The following RUNX2 variants were observed in gnomAD, a reference collection of about 807,000 sequenced individuals.
RUNX2 encodes the protein RUNX family transcription factor 2, also known as runt-related transcription factor 2.
A neutral mutation model predicts 51.7 loss-of-function variants in RUNX2; 10 were observed. The observed-to-expected ratio is 0.19, with a 90% CI of 0.12 to 0.33. The LOEUF is 0.33. Ranked by LOEUF, RUNX2 falls within the 10% of genes least tolerant of loss-of-function variation. The probability of loss-of-function intolerance (pLI) is 1.00; values close to 1 mark genes in which losing one functional copy is unlikely to be tolerated. For synonymous variants in RUNX2, 276 were observed against 273.6 expected (o/e 1.01, Z -0.09); for missense variants, 562 against 691.3 (o/e 0.81, Z 2.10).
intron 2 of RUNX2, among the ~76,000 whole-genome samples, chr6:45,386,383 C>T (rs1797349100): frequency 1.3e-5 from 2 of 152,086 alleles, no homozygotes; most frequent in African/African-American, 2.4e-5. Flanking sequence ...TGCATTTTCT[C>T]AAAGAAATTG....
At chr6:45,406,608 G>T (rs1797839244) in intron 2 of RUNX2, among the ~76,000 whole-genome samples, 2 of 152,154 alleles carry the variant, frequency 1.3e-5, no homozygotes, top group Admixed American at 6.5e-5. Flanking sequence ...GTTTTGCCAT[G>T]TTGGCCAGGT....
In RUNX2 at chr6:45,549,550, G is replaced by A; in HGVS notation, c.*2245G>A. The A allele has an allele frequency of 2.5e-6, 1 of 396,044 alleles. No individual in the cohort carries two copies. Among genetic ancestry groups the A allele is most frequent in the Non-Finnish European group, 4.4e-6 (1 of 224,864 alleles). 24.5% of individuals were successfully genotyped at this position (396,044 alleles called of 1,614,324 possible). ...TAGTAATTGATACTATTTATTGTTT[G>A]TGTGTGGTAGCTTGAAGCACACCAC... On this transcript the variant is annotated 3_prime_UTR_variant, in exon 9 of 9. Transcript: ENST00000647337.
chr6:45,494,039 T>C (rs914653247), intron 6 of RUNX2, among the ~76,000 whole-genome samples: 2 of 152,160 alleles, frequency 1.3e-5, no homozygotes, highest in Non-Finnish European at 2.9e-5. Flanking sequence ...AAAGATGAGA[T>C]CATAAAGTAG....
At chr6:45,528,349 G>A (rs531873923) in intron 7 of RUNX2, among the ~76,000 whole-genome samples, 4 of 152,102 alleles carry the variant, frequency 2.6e-5, no homozygotes, top group African/African-American at 9.7e-5. Context: ...GGTCAGGCGC[G>A]GTGGCTCAAG....
intron 2 of RUNX2, among the ~76,000 whole-genome samples, chr6:45,383,016 G>A (rs1214353589): frequency 2.6e-5 from 4 of 152,216 alleles, no homozygotes; most frequent in Non-Finnish European, 5.9e-5. Flanking sequence ...TACATTAGCT[G>A]AGATGGGGAA....
intron 5 of RUNX2, among the ~76,000 whole-genome samples, chr6:45,488,001 A>G (rs1169706526): frequency 6.6e-6 from 1 of 152,186 alleles, no homozygotes; most frequent in African/African-American, 2.4e-5. Flanking sequence ...TCTAAGGGGT[A>G]AGAAAGAGTG....
intron 6 of RUNX2, among the ~76,000 whole-genome samples, chr6:45,508,280 G>A (rs1801038844): frequency 7.1e-6 from 1 of 141,572 alleles, no homozygotes; most frequent in Admixed American, 7.4e-5. Flanking sequence ...CCGGGCTGGA[G>A]TGCAATGGCG....
intron 5 of RUNX2, among the ~76,000 whole-genome samples, chr6:45,469,975 A>G (rs936218767): frequency 2.0e-5 from 3 of 152,210 alleles, no homozygotes; most frequent in African/African-American, 7.2e-5. Flanking sequence ...TCCATATGAA[A>G]GAAATCAGAC....
chr6:45,429,844 A>G (rs1178057057), intron 3 of RUNX2, among the ~76,000 whole-genome samples: 1 of 152,198 alleles, frequency 6.6e-6, no homozygotes, highest in Non-Finnish European at 1.5e-5. Context: ...CTGTAATCCC[A>G]GCACTTTGGG....
At chr6:45,540,158 T>C (rs1376837924) in intron 7 of RUNX2, among the ~76,000 whole-genome samples, 1 of 152,170 alleles carries the variant, frequency 6.6e-6, no homozygotes, top group Non-Finnish European at 1.5e-5. Context: ...GATATGACTT[T>C]GAAATAGGGC....
At chr6:45,345,524 C>T (rs1032219628) in intron 2 of RUNX2, among the ~76,000 whole-genome samples, 1 of 152,160 alleles carries the variant, frequency 6.6e-6, no homozygotes, top group Non-Finnish European at 1.5e-5. Context: ...GCACGATCAG[C>T]TTGCTAGTCC....
Position 45,422,976 on chromosome 6 carries a change from C to T in RUNX2, c.423+19C>T. On this transcript the variant is annotated intron_variant, in intron 3 of 8. Coordinates refer to ENST00000647337, the MANE Select transcript of RUNX2 (RefSeq NM_001024630.4). ...CTTCAAGGTAAGAGGCTACACCGCCCCCCGCCCCCGGCCGGGAGCGGCGGA... is the reference window on the plus strand; with the variant it reads ...CTTCAAGGTAAGAGGCTACACCGCCTCCCGCCCCCGGCCGGGAGCGGCGGA... The T allele has an allele frequency of 1.2e-6, 2 of 1,605,932 alleles. No individual in the cohort carries two copies. Among genetic ancestry groups the T allele is most frequent in the Non-Finnish European group, 8.5e-7 (1 of 1,178,406 alleles).
chr6:45,356,144 G>A lies in RUNX2; in HGVS notation c.58+27360G>A, dbSNP rs144529996. 2.3e-3 allele frequency among the ~76,000 whole-genome samples: 347 copies of A among 152,138 alleles called. 1 individual carries two copies. The highest frequency in any genetic ancestry group is 8.0e-3 in the African/African-American group (333 of 41,506). ...CTCTATTCTGTCATAGGAAAAAAATGTTATGCCAATTAGAAAACTTTCTAA... is the reference window on the plus strand; with the variant it reads ...CTCTATTCTGTCATAGGAAAAAAATATTATGCCAATTAGAAAACTTTCTAA... On this transcript the variant is annotated intron_variant, in intron 2 of 8. Transcript: ENST00000647337.
intron 2 of RUNX2, among the ~76,000 whole-genome samples, chr6:45,406,920 A>T (rs145164247): frequency 1.2e-3 from 176 of 152,316 alleles, no homozygotes; most frequent in African/African-American, 3.9e-3. Context: ...AAATTGCTTT[A>T]TTAAATACTG....
chr6:45,446,819 CTT>C (rs894046537), intron 5 of RUNX2, among the ~76,000 whole-genome samples: 38 of 152,186 alleles, frequency 2.5e-4, no homozygotes, highest in African/African-American at 7.9e-4. Flanking sequence ...ATTAATTGCT[CTT>C]GTTTGTTCAA....
intron 5 of RUNX2, among the ~76,000 whole-genome samples, chr6:45,448,188 G>C (rs1427916030): frequency 6.6e-6 from 1 of 152,154 alleles, no homozygotes; most frequent in Non-Finnish European, 1.5e-5. Context: ...AAACGGGGAG[G>C]AAATTAAATC....
At position 45,354,630 on chromosome 6, in the gene RUNX2, T is replaced by TAC. The variant is rs35189031; in HGVS notation, c.58+25868_58+25869dup. Among the ~76,000 whole-genome samples the TAC allele has an allele frequency of 4.9e-3, 737 of 149,910 alleles. 6 individuals carry two copies. The highest frequency in any genetic ancestry group is 0.011 in the African/African-American group (436 of 40,812). On this transcript the variant is annotated intron_variant, in intron 2 of 8. Transcript: ENST00000647337. ...GTAACTACACAAATGCACGCACACA[T>TAC]ACACACACACACACACACACACAGT...
intron 2 of RUNX2, among the ~76,000 whole-genome samples, chr6:45,342,217 T>C (rs750914186): frequency 6.6e-6 from 1 of 152,084 alleles, no homozygotes; most frequent in Non-Finnish European, 1.5e-5. Flanking sequence ...GTCACTACAG[T>C]TGTGCCTAGT....
intron 3 of RUNX2, among the ~76,000 whole-genome samples, chr6:45,423,933 G>T (rs1467974247): frequency 6.6e-6 from 1 of 152,250 alleles, no homozygotes; most frequent in Non-Finnish European, 1.5e-5. Flanking sequence ...AGGGAAACCT[G>T]TGGAACAACT....
Sources: allele counts gnomAD v4.1 joint callset (sites outside exome capture counted in the v4.1 genomes callset), GRCh38; gene constraint gnomAD v4.1.1; transcripts MANE v1.5; gene names NCBI Gene and HGNC (gene_info 2026-07-23, HGNC 2026-07-21).